The following DENND1B variants were observed in gnomAD, a reference collection of about 807,000 sequenced individuals.
DENND1B encodes the protein DENN domain-containing protein 1B.
DENND1B carries 59 observed loss-of-function variants against 90.1 expected under a neutral mutation model. The ratio of observed to expected loss-of-function variants is 0.65; its 90% CI spans 0.53 to 0.81. The LOEUF is 0.81. Ranked by LOEUF, DENND1B falls within the 40% of genes least tolerant of loss-of-function variation. The pLI, the probability that DENND1B is intolerant of heterozygous loss-of-function variation, is 0.00. For missense variants in DENND1B, 862 were observed against 912.6 expected (o/e 0.94, Z 0.71); for synonymous variants, 337 against 324.6 (o/e 1.04, Z -0.41).
chr1:197,770,772 CTATAAATA>C (rs1656436316), intron 2 of DENND1B, among the ~76,000 whole-genome samples: 2 of 123,266 alleles, frequency 1.6e-5, no homozygotes, highest in South Asian at 5.3e-4. Flanking sequence ...AAATATATAT[CTATAAATA>C]TATAAATATA....
chr1:197,523,726 C>T (rs1226802821), intron 20 of DENND1B, among the ~76,000 whole-genome samples: 1 of 152,144 alleles, frequency 6.6e-6, no homozygotes, highest in Non-Finnish European at 1.5e-5. Context: ...TTCCGATGGA[C>T]TCAGCCTCTT....
intron 2 of DENND1B, among the ~76,000 whole-genome samples, chr1:197,759,550 T>A (rs1437630439): frequency 6.6e-6 from 1 of 151,100 alleles, no homozygotes. Flanking sequence ...CAGCAGGCCA[T>A]CTTTGGTGAA....
intron 6 of DENND1B, among the ~76,000 whole-genome samples, chr1:197,656,171 A>G (rs1042359571): frequency 6.6e-6 from 1 of 152,096 alleles, no homozygotes; most frequent in Non-Finnish European, 1.5e-5. Flanking sequence ...CTCTTCAGAC[A>G]AAGAGTGTGT....
intron 2 of DENND1B, among the ~76,000 whole-genome samples, chr1:197,743,554 G>A (rs1014794701): frequency 3.3e-5 from 5 of 152,202 alleles, no homozygotes; most frequent in Admixed American, 2.0e-4. Flanking sequence ...GGCTAGGATG[G>A]CTGTGGAATT....
Position 197,645,744 on chromosome 1 carries a change from C to A in DENND1B, c.508-1G>T. The A allele has an allele frequency of 6.4e-7, 1 of 1,558,028 alleles. No homozygotes were observed. The highest frequency in any genetic ancestry group is 8.7e-7 in the Non-Finnish European group (1 of 1,151,298). Reference sequence around the variant, plus strand: ...CATCAGGGGCAATGAAGTAGGAATGCTAATCAATACAAATAAATCACATAT... The same window carrying A: ...CATCAGGGGCAATGAAGTAGGAATGATAATCAATACAAATAAATCACATAT... On this transcript the variant is annotated splice_acceptor_variant, in intron 8 of 22. Transcript: ENST00000620048. LOFTEE classifies it high-confidence loss of function.
chr1:197,688,693 C>A (rs887075955), intron 3 of DENND1B: 1 of 152,320 alleles, frequency 6.6e-6, no homozygotes, highest in African/African-American at 2.4e-5. Context: ...ACCTAAGCAG[C>A]TTTTTGGCAA....
chr1:197,773,044 GA>G, intron 1 of DENND1B, 112 bp from the exon 2 acceptor site: 1 of 847,948 alleles, frequency 1.2e-6, no homozygotes, highest in East Asian at 2.7e-5. Context: ...CATTTCACGT[GA>G]CTGTATTACT....
At position 197,617,768 on chromosome 1, in the gene DENND1B, T is replaced by C. The variant is rs1293870998; in HGVS notation, c.673-9A>G. Reference sequence around the variant, plus strand: ...TGGATACAGGCAGTTAACTGAAATTTGTAAAAGGATAACAAAAATAAGTAG... The same window carrying C: ...TGGATACAGGCAGTTAACTGAAATTCGTAAAAGGATAACAAAAATAAGTAG... On this transcript the variant is annotated splice_polypyrimidine_tract_variant and intron_variant, in intron 10 of 22. Coordinates refer to ENST00000620048, the MANE Select transcript of DENND1B (RefSeq NM_001195215.2). The C allele has an allele frequency of 6.3e-7, 1 of 1,599,340 alleles. No homozygotes were observed. Among genetic ancestry groups the C allele is most frequent in the African/African-American group, 1.3e-5 (1 of 74,310 alleles).
At chr1:197,756,169 T>A (rs1654260587) in intron 2 of DENND1B, among the ~76,000 whole-genome samples, 1 of 152,226 alleles carries the variant, frequency 6.6e-6, no homozygotes, top group African/African-American at 2.4e-5. Context: ...AACAGAATAT[T>A]TTGATTAACT....
intron 2 of DENND1B, among the ~76,000 whole-genome samples, chr1:197,743,442 C>T (rs1281321444): frequency 1.3e-5 from 2 of 152,164 alleles, no homozygotes; most frequent in African/African-American, 2.4e-5. Flanking sequence ...TTAAGAAATG[C>T]TAACAATCTT....
chr1:197,753,150 T>C (rs912047178), intron 2 of DENND1B, among the ~76,000 whole-genome samples: 2 of 151,950 alleles, frequency 1.3e-5, no homozygotes, highest in African/African-American at 4.8e-5. Flanking sequence ...ATTGGAAAAA[T>C]ATCAATATGC....
chr1:197,600,642 G>A (rs909229720), intron 13 of DENND1B, among the ~76,000 whole-genome samples: 8 of 151,774 alleles, frequency 5.3e-5, no homozygotes, highest in Non-Finnish European at 1.2e-4. Flanking sequence ...AGGTATTTCT[G>A]TTATAGCAGC....
At chr1:197,596,776 G>A (rs1675738254) in intron 13 of DENND1B, among the ~76,000 whole-genome samples, 1 of 151,752 alleles carries the variant, frequency 6.6e-6, no homozygotes, top group Non-Finnish European at 1.5e-5. Context: ...TAATTGAACT[G>A]TCAACCTAAT....
chr1:197,707,554 CCA>C (rs1329726253), intron 3 of DENND1B, among the ~76,000 whole-genome samples: 1 of 146,996 alleles, frequency 6.8e-6, no homozygotes. Flanking sequence ...TCATTATCAC[CCA>C]TATATATGTG....
At position 197,541,006 on chromosome 1, in the gene DENND1B, G is replaced by A. The variant is rs766449253; in HGVS notation, c.1360C>T (p.His454Tyr). 2.5e-6 allele frequency: 4 copies of A among 1,612,326 alleles called. No homozygotes were observed. The highest frequency in any genetic ancestry group is 3.4e-6 in the Non-Finnish European group (4 of 1,179,074). ...ACTTCCTTTAGTCCCAGCTTTGCAT[G>A]ATTTTTTGCCTAGAAAATGATAATG... ...VRTAYKFAKN[H>Y]AKLGLKEVKS... Residue 454 changes from histidine (H) to tyrosine (Y), a missense_variant, in exon 19 of 23, where the codon CAT (histidine) becomes TAT (tyrosine). Physicochemically the swap from His to Tyr is moderately conservative, Grantham distance 83. Transcript: ENST00000620048.
chr1:197,545,028 G>GAGGAGA lies in DENND1B; in HGVS notation c.1350+888_1350+893dup, dbSNP rs74211600. 5.8e-4 allele frequency among the ~76,000 whole-genome samples: 63 copies of GAGGAGA among 109,232 alleles called. 2 individuals carry two copies. Among genetic ancestry groups the GAGGAGA allele is most frequent in the East Asian group, 1.4e-3 (5 of 3,614 alleles). 71.7% of individuals were successfully genotyped at this position (109,232 alleles called of 152,430 possible). A position where few individuals can be genotyped will look rare whatever the true frequency, so the allele number is the denominator to read the frequency against. ...ACGACGACGACGACGACGAAAGAAG[G>GAGGAGA]AGGAGAAGGAGAAGGAGAAGGAGAA... On this transcript the variant is annotated intron_variant, in intron 18 of 22. Coordinates refer to ENST00000620048, the MANE Select transcript of DENND1B (RefSeq NM_001195215.2).
chr1:197,583,453 C>T lies in DENND1B; in HGVS notation c.1048-200G>A, dbSNP rs1430985588. 3.3e-5 allele frequency among the ~76,000 whole-genome samples: 5 copies of T among 152,156 alleles called. 1 individual carries two copies. Among genetic ancestry groups the T allele is most frequent in the African/African-American group, 1.2e-4 (5 of 41,516 alleles). Reference sequence around the variant, plus strand: ...TACTACACCTTTCTAATCCAGGATCCCATGTACTCTTAAAATTGCTCAATT... The same window carrying T: ...TACTACACCTTTCTAATCCAGGATCTCATGTACTCTTAAAATTGCTCAATT... On this transcript the variant is annotated intron_variant, in intron 14 of 22. Transcript: ENST00000620048.
At chr1:197,614,280 A>C (rs1677443731) in intron 11 of DENND1B, among the ~76,000 whole-genome samples, 1 of 151,032 alleles carries the variant, frequency 6.6e-6, no homozygotes, top group South Asian at 2.1e-4. Flanking sequence ...ACAAAATCTA[A>C]AACACAGATG....
At chr1:197,577,059 A>G (rs1673745102) in intron 15 of DENND1B, among the ~76,000 whole-genome samples, 1 of 152,172 alleles carries the variant, frequency 6.6e-6, no homozygotes, top group South Asian at 2.1e-4. Flanking sequence ...GAATAAATAA[A>G]ATGTGTTTAA....
Sources: gnomAD v4.1 joint callset for allele counts (sites outside exome capture counted in the v4.1 genomes callset) on GRCh38, gnomAD v4.1.1 for gene constraint, MANE v1.5 for transcripts, NCBI Gene and HGNC (gene_info 2026-07-23, HGNC 2026-07-21) for gene names.